The following PSD3 variants were observed in gnomAD, a reference collection of about 807,000 sequenced individuals.
The protein encoded by PSD3 is PH and SEC7 domain-containing protein 3.
Under a neutral mutation model 105.5 loss-of-function variants are expected in PSD3, and 49 were observed. That is an observed-to-expected ratio of 0.46 (90% CI 0.37 to 0.59). The LOEUF (loss-of-function observed/expected upper bound fraction) is 0.59. PSD3 is among the 20% of genes least tolerant of loss of function. PSD3 has a pLI of 0.00. For synonymous variants in PSD3, 557 were observed against 457.8 expected (o/e 1.22, Z -2.77); for missense variants, 1,561 against 1,263.8 (o/e 1.24, Z -3.57).
intron 1 of PSD3, among the ~76,000 whole-genome samples, chr8:19,000,388 C>G (rs1826306812): frequency 1.0e-5 from 1 of 99,148 alleles, no homozygotes; most frequent in South Asian, 4.5e-4. Flanking sequence ...CAGAGCAAGG[C>G]TCTGTCTGAA....
chr8:18,792,144 G>A (rs1206563114), intron 8 of PSD3, among the ~76,000 whole-genome samples: 1 of 152,144 alleles, frequency 6.6e-6, no homozygotes, highest in Non-Finnish European at 1.5e-5. Context: ...AATCATTGTG[G>A]AAGACAGTAT....
In PSD3 at chr8:18,644,058, C is replaced by G. The variant is rs181102240; in HGVS notation, c.2217-11252G>C. ...CATCCCTTGAAACCATTCTGCCCTC[C>G]TACACCTCTGGGACTGTGATGGAAT... On this transcript the variant is annotated intron_variant, in intron 10 of 15. Transcript: ENST00000327040. 2.5e-4 allele frequency among the ~76,000 whole-genome samples: 38 copies of G among 152,296 alleles called. No individual in the cohort carries two copies. The East Asian group carries it at 3.9e-3, about 15-fold the overall frequency.
chr8:18,634,107 A>G (rs532560088), intron 10 of PSD3, among the ~76,000 whole-genome samples: 2 of 152,070 alleles, frequency 1.3e-5, no homozygotes, highest in East Asian at 3.9e-4. Flanking sequence ...CTTTTTTAGT[A>G]AGGTTATTTA....
chr8:18,895,257 T>C (rs1171393279), intron 2 of PSD3, among the ~76,000 whole-genome samples: 1 of 152,226 alleles, frequency 6.6e-6, no homozygotes, highest in African/African-American at 2.4e-5. Context: ...AGATGCCCCA[T>C]GTCACACATT....
chr8:18,861,780 T>C (rs1237753936), intron 4 of PSD3, among the ~76,000 whole-genome samples: 1 of 152,134 alleles, frequency 6.6e-6, no homozygotes, highest in African/African-American at 2.4e-5. Flanking sequence ...TATCCACAAA[T>C]TAGAACTTAG....
At chr8:18,873,460 A>C (rs1317379449) in intron 2 of PSD3, among the ~76,000 whole-genome samples, 1 of 146,518 alleles carries the variant, frequency 6.8e-6, no homozygotes, top group African/African-American at 2.6e-5. Flanking sequence ...ACATATATAA[A>C]GTTTATATAT....
intron 10 of PSD3, among the ~76,000 whole-genome samples, chr8:18,645,665 G>A (rs146630158): frequency 1.7e-4 from 26 of 152,202 alleles, no homozygotes; most frequent in African/African-American, 2.4e-4. Context: ...TGCCATGTTA[G>A]GAATTTGAGT....
rs143096035 is a variant in PSD3, at chr8:18,795,204, C to G, written c.2082+4091G>C. Among the ~76,000 whole-genome samples, 5 of 152,148 alleles carry G rather than the reference C, an allele frequency of 3.3e-5. No homozygotes were observed. In the South Asian group the frequency reaches 8.3e-4, roughly 25 times the overall value. On this transcript the variant is annotated intron_variant, in intron 8 of 15. Transcript: ENST00000327040. ...ATGGTTTCAACCCTTTCCAAACTTA[C>G]AACCCAACACTAAAAACATTAGTAA...
chr8:19,084,221 G>A (rs1255543344), exon 1 of PSD3: 1 of 430,512 alleles, frequency 2.3e-6, no homozygotes, highest in Non-Finnish European at 4.7e-6. Context: ...GAGGCAGAGT[G>A]GCAGGCGGGG....
At chr8:18,933,571 G>A (rs1158681211) in intron 2 of PSD3, among the ~76,000 whole-genome samples, 2 of 152,128 alleles carry the variant, frequency 1.3e-5, no homozygotes, top group Non-Finnish European at 2.9e-5. Flanking sequence ...GGGCTCAAAC[G>A]ATTCTCGTGC....
At chr8:19,084,385 C>G (rs1157320274) in exon 1 of PSD3, 1 of 456,154 alleles carries the variant, frequency 2.2e-6, no homozygotes, top group African/African-American at 2.0e-5. Flanking sequence ...TCCGCTCCAT[C>G]TGCAGCGTGG....
rs73587598 is a variant in PSD3 at position 18,648,948 on chromosome 8, C to T, written c.2216+6694G>A. On this transcript the variant is annotated intron_variant, in intron 10 of 15. Coordinates refer to ENST00000327040, the MANE Select transcript of PSD3 (RefSeq NM_015310.4). ...ATGCAGAATGCAAGAGTTAAGGCTT[C>T]GGAGCCTTTGCCTAGATGTCAGAGA... is the stretch of plus-strand genomic sequence containing the variant. Among the ~76,000 whole-genome samples the T allele has an allele frequency of 6.6e-3, 1,000 of 152,350 alleles. 12 individuals are homozygous for T. The highest frequency in any genetic ancestry group is 0.023 in the African/African-American group (955 of 41,594).
chr8:19,024,774 G>A (rs1827485183), intron 1 of PSD3, among the ~76,000 whole-genome samples: 1 of 152,124 alleles, frequency 6.6e-6, no homozygotes, highest in Non-Finnish European at 1.5e-5. Flanking sequence ...CTTAGGAGTT[G>A]ATGAATTCAT....
intron 14 of PSD3, among the ~76,000 whole-genome samples, chr8:18,562,270 C>T (rs1451924489): frequency 1.3e-5 from 2 of 152,162 alleles, no homozygotes; most frequent in Non-Finnish European, 2.9e-5. Context: ...GAGAACCTGG[C>T]CACTGTCCTT....
In PSD3 at chr8:19,050,281, C is replaced by T. The variant is rs142584965; in HGVS notation, c.324+33925G>A. ...GAACTAGCCACAAAAATGCAGTGGG[C>T]TTCACAATCTACGCCCATGCCCATA... On this transcript the variant is annotated intron_variant, in intron 1 of 1. Coordinates refer to the PSD3 transcript ENST00000521475. Among the ~76,000 whole-genome samples the T allele has an allele frequency of 3.5e-3, 525 of 148,914 alleles. 4 individuals carry two copies. Among genetic ancestry groups the T allele is most frequent in the African/African-American group, 0.011 (450 of 41,324 alleles).
intron 2 of PSD3, among the ~76,000 whole-genome samples, chr8:18,886,359 C>T (rs866064698): frequency 8.5e-5 from 13 of 152,148 alleles, no homozygotes; most frequent in African/African-American, 3.1e-4. Context: ...CGGCATCTCT[C>T]TGATGACTGG....
intron 15 of PSD3, among the ~76,000 whole-genome samples, chr8:18,549,622 G>A (rs1411278850): frequency 6.6e-6 from 1 of 152,196 alleles, no homozygotes; most frequent in Admixed American, 6.5e-5. Context: ...CTTCTGCAGG[G>A]AGACGACAAC....
At chr8:18,594,536 T>C (rs1335460308) in intron 12 of PSD3, among the ~76,000 whole-genome samples, 1 of 146,388 alleles carries the variant, frequency 6.8e-6, no homozygotes, top group Non-Finnish European at 1.5e-5. Context: ...CTGCTGGACT[T>C]GCCTTACAAG....
chr8:18,881,569 T>TA (rs1818105090), intron 2 of PSD3, among the ~76,000 whole-genome samples: 1 of 152,172 alleles, frequency 6.6e-6, no homozygotes, highest in Non-Finnish European at 1.5e-5. Flanking sequence ...TTGAACCAGA[T>TA]AAAACCGTTT....
Sources: allele counts gnomAD v4.1 joint callset (sites outside exome capture counted in the v4.1 genomes callset), GRCh38; gene constraint gnomAD v4.1.1; transcripts MANE v1.5; gene names NCBI Gene and HGNC (gene_info 2026-07-23, HGNC 2026-07-21).